The following ARHGAP6 variants were observed in gnomAD, a reference collection of about 807,000 sequenced individuals.
The protein encoded by ARHGAP6 is rho GTPase-activating protein 6.
ARHGAP6 carries 16 observed loss-of-function variants against 55.7 expected under a neutral mutation model. The observed-to-expected ratio is 0.29, with a 90% CI of 0.19 to 0.44. ARHGAP6 has a LOEUF of 0.44. Ranked by LOEUF, ARHGAP6 falls within the 20% of genes least tolerant of loss-of-function variation. The pLI is 1.00. For missense variants in ARHGAP6, 698 were observed against 808.9 expected (o/e 0.86, Z 1.66); for synonymous variants, 382 against 360.9 (o/e 1.06, Z -0.66).
At chrX:11,629,053 T>A (rs1194742387) in intron 1 of ARHGAP6, among the ~76,000 whole-genome samples, 2 of 111,286 alleles carry the variant, frequency 1.8e-5, no homozygotes, top group Non-Finnish European at 3.8e-5. Context: ...CTTACAGATC[T>A]TCTATCTTTA....
intron 1 of ARHGAP6, among the ~76,000 whole-genome samples, chrX:11,278,535 C>T (rs2047809225): frequency 8.9e-6 from 1 of 111,853 alleles, no homozygotes; most frequent in African/African-American, 3.2e-5. Flanking sequence ...TTCTAACCTA[C>T]AGCACTTTAA....
rs201185646 is a variant in ARHGAP6, at chrX:11,169,730, A to G, written c.1630-46T>C. On this transcript the variant is annotated intron_variant, in intron 8 of 12. Coordinates refer to ENST00000337414, the MANE Select transcript of ARHGAP6 (RefSeq NM_013427.3). Reference sequence around the variant, plus strand: ...AGGACTGTTGTTATGTTTGCCTTTCAAGATACTGGGTGATTCAACAATCAA... The same window carrying G: ...AGGACTGTTGTTATGTTTGCCTTTCGAGATACTGGGTGATTCAACAATCAA... The G allele has an allele frequency of 1.1e-3, 1,061 of 986,706 alleles. 4 individuals are homozygous for G. Among genetic ancestry groups the G allele is most frequent in the Non-Finnish European group, 1.4e-3 (1,020 of 744,740 alleles). The allele number at this position is 986,706 out of a possible 1,213,427, so 81.3% of individuals were successfully genotyped here.
intron 1 of ARHGAP6, chrX:11,300,633 G>A (rs868271285): frequency 8.4e-7 from 1 of 1,192,013 alleles, no homozygotes; most frequent in Non-Finnish European, 1.1e-6. Flanking sequence ...GATGAGAGGG[G>A]AATGAATACT....
chrX:11,540,877 A>G (rs1309044225), intron 1 of ARHGAP6, among the ~76,000 whole-genome samples: 1 of 112,211 alleles, frequency 8.9e-6, no homozygotes, highest in East Asian at 2.8e-4. Context: ...ACTTACACAG[A>G]CCAGGCCAGT....
At chrX:11,595,379 A>G (rs1281758333) in intron 1 of ARHGAP6, among the ~76,000 whole-genome samples, 3 of 111,067 alleles carry the variant, frequency 2.7e-5, no homozygotes, top group Non-Finnish European at 5.7e-5. Context: ...CCATATGCAG[A>G]AAACTGAAAC....
At chrX:11,419,990 A>T (rs918628811) in intron 1 of ARHGAP6, among the ~76,000 whole-genome samples, 1 of 112,209 alleles carries the variant, frequency 8.9e-6, no homozygotes, top group African/African-American at 3.2e-5. Context: ...TTCTAAGAAA[A>T]TGACAAGTAT....
rs1439425330 is a variant in ARHGAP6, at chrX:11,470,291, G to A, written c.588+193950C>T. 2.7e-5 allele frequency among the ~76,000 whole-genome samples: 3 copies of A among 111,892 alleles called. No individual in the cohort carries two copies. In the East Asian group the frequency reaches 8.4e-4, roughly 31 times the overall value. On this transcript the variant is annotated intron_variant, in intron 1 of 12. Coordinates refer to ENST00000337414, the MANE Select transcript of ARHGAP6 (RefSeq NM_013427.3). ...TTTTGGTATTTCATCAGAAATGACT[G>A]GCTGATGGGTTCCCTTGTGAAAGTG...
At chrX:11,565,867 A>G (rs771486833) in intron 1 of ARHGAP6, among the ~76,000 whole-genome samples, 31 of 112,056 alleles carry the variant, frequency 2.8e-4, no homozygotes, top group African/African-American at 1.0e-3. Context: ...CAGTTCAGGT[A>G]CCAACAGCAG....
At chrX:11,279,667 T>A (rs186133029) in intron 1 of ARHGAP6, among the ~76,000 whole-genome samples, 1 of 111,463 alleles carries the variant, frequency 9.0e-6, no homozygotes, top group Admixed American at 9.6e-5. Context: ...CTCCATTTTT[T>A]TTTAATAATA....
chrX:11,524,119 A>G (rs904772528), intron 1 of ARHGAP6, among the ~76,000 whole-genome samples: 1 of 112,035 alleles, frequency 8.9e-6, no homozygotes, highest in African/African-American at 3.2e-5. Flanking sequence ...TATTATAATA[A>G]AAGAAGTGAT....
chrX:11,176,339 A>T (rs1455442401), intron 8 of ARHGAP6, among the ~76,000 whole-genome samples: 1 of 60,902 alleles, frequency 1.6e-5, no homozygotes, highest in African/African-American at 6.5e-5. Flanking sequence ...ATATATATAT[A>T]TATATATATA....
chrX:11,584,512 T>G (rs905612089), intron 1 of ARHGAP6, among the ~76,000 whole-genome samples: 1 of 111,795 alleles, frequency 8.9e-6, no homozygotes, highest in Non-Finnish European at 1.9e-5. Flanking sequence ...TTCATCCTCA[T>G]GCTCTCAAGT....
At chrX:11,469,116 A>G (rs1247496611) in intron 1 of ARHGAP6, among the ~76,000 whole-genome samples, 1 of 112,786 alleles carries the variant, frequency 8.9e-6, no homozygotes, top group Admixed American at 9.3e-5. Context: ...TTTACTGTTC[A>G]AACCACCCAG....
At chrX:11,607,847 C>T (rs1366754787) in intron 1 of ARHGAP6, among the ~76,000 whole-genome samples, 3 of 111,881 alleles carry the variant, frequency 2.7e-5, no homozygotes, top group Non-Finnish European at 3.8e-5. Flanking sequence ...AAGCTTTGAG[C>T]GAACCAGTGC....
chrX:11,363,757 G>C (rs2049041025), intron 1 of ARHGAP6, among the ~76,000 whole-genome samples: 2 of 112,226 alleles, frequency 1.8e-5, no homozygotes, highest in African/African-American at 3.2e-5. Flanking sequence ...TTTTCTGAAT[G>C]TAAATTAATT....
intron 1 of ARHGAP6, among the ~76,000 whole-genome samples, chrX:11,377,895 T>C (rs1010244478): frequency 1.8e-5 from 2 of 111,557 alleles, no homozygotes; most frequent in Non-Finnish European, 3.8e-5. Context: ...AGAGGGTTTC[T>C]GGCCAAGATG....
intron 1 of ARHGAP6, among the ~76,000 whole-genome samples, chrX:11,349,976 A>G (rs1406205097): frequency 9.0e-6 from 1 of 111,658 alleles, no homozygotes; most frequent in Non-Finnish European, 1.9e-5. Context: ...CACTTATAAA[A>G]CTGGAATATG....
intron 2 of ARHGAP6, among the ~76,000 whole-genome samples, chrX:11,220,424 A>G (rs1351374728): frequency 2.7e-5 from 3 of 111,854 alleles, no homozygotes; most frequent in African/African-American, 9.7e-5. Context: ...TCAGACTAAC[A>G]GCGGATCTCT....
Position 11,664,960 on chromosome X carries a change from A to T in ARHGAP6, c.-132T>A. The T allele has an allele frequency of 3.2e-6, 2 of 622,659 alleles. No homozygotes were observed. The highest frequency in any genetic ancestry group is 4.7e-6 in the Non-Finnish European group (2 of 428,465). The allele number at this position is 622,659 out of a possible 1,213,427, so 51.3% of individuals were successfully genotyped here. On this transcript the variant is annotated 5_prime_UTR_variant, in exon 1 of 13. Transcript: ENST00000337414. ...GCCCGGGGTTTGCCCAGGGCAGTGG[A>T]GAGCAAAGCCCAGCTCACGCGCCGC...
Sources: allele counts gnomAD v4.1 joint callset (sites outside exome capture counted in the v4.1 genomes callset), GRCh38; gene constraint gnomAD v4.1.1; transcripts MANE v1.5; gene names NCBI Gene and HGNC (gene_info 2026-07-23, HGNC 2026-07-21).